SACS: variants seen among roughly 807,000 people sequenced by gnomAD.
The protein encoded by SACS is sacsin.
In SACS, 197 loss-of-function variants were observed where a neutral mutation model predicts 348.0. The observed-to-expected ratio is 0.57, with a 90% CI of 0.50 to 0.64. The LOEUF is 0.64. Among genes scored for constraint, SACS ranks in the 30% least tolerant of loss-of-function variants. The pLI is 0.00. For missense variants in SACS, 4,999 were observed against 5,360.8 expected, an observed-to-expected ratio of 0.93 and a Z score of 2.11; for synonymous variants, 1,985 against 1,910.6, an observed-to-expected ratio of 1.04 and a Z score of -1.02.
chr13:23,362,539 G>A (rs1870801072), intron 6 of SACS, among the ~76,000 whole-genome samples: 1 of 150,280 alleles, frequency 6.7e-6, no homozygotes, highest in East Asian at 2.0e-4. Context: ...GTTAAATAAA[G>A]AGATCAGAGA....
chr13:23,433,136 A>G (rs1874501759), intron 1 of SACS, among the ~76,000 whole-genome samples: 1 of 152,204 alleles, frequency 6.6e-6, no homozygotes, highest in African/African-American at 2.4e-5. Context: ...AAGTGAGAGC[A>G]ATTCTGCAAA....
rs75936739 is a variant in SACS at position 23,391,198 on chromosome 13, C to A, written c.21-15929G>T. ...ATATTTTTCTATACCTCTGTACATGCCTGAAATTTTTCATGATAAAATTCT... is the reference window on the plus strand; with the variant it reads ...ATATTTTTCTATACCTCTGTACATGACTGAAATTTTTCATGATAAAATTCT... On this transcript the variant is annotated intron_variant, in intron 2 of 9. Transcript: ENST00000382292. Among the ~76,000 whole-genome samples, 954 of 152,298 alleles carry A rather than the reference C, an allele frequency of 6.3e-3. 11 individuals carry two copies. The highest frequency in any genetic ancestry group is 0.022 in the African/African-American group (929 of 41,556).
intron 2 of SACS, among the ~76,000 whole-genome samples, chr13:23,410,884 T>C (rs1270980185): frequency 6.6e-6 from 1 of 152,226 alleles, no homozygotes; most frequent in African/African-American, 2.4e-5. Flanking sequence ...TTGTTTATTT[T>C]ATATTTTCCA....
At position 23,337,018 on chromosome 13, in the gene SACS, C is replaced by A. The variant is rs1868677264; in HGVS notation, c.6858G>T (p.Lys2286Asn). The A allele has an allele frequency of 1.2e-6, 2 of 1,613,852 alleles. No individual in the cohort carries two copies. Among genetic ancestry groups the A allele is most frequent in the African/African-American group, 2.7e-5 (2 of 74,920 alleles). Residue 2286 changes from lysine to asparagine, a missense_variant, in exon 10 of 10, where the codon AAG (lysine) becomes AAT (asparagine). By Grantham distance (94) the Lys-to-Asn change is moderately conservative. Transcript: ENST00000382292. Reference sequence around the variant, plus strand: ...TTATAACCAGATCAACTGTTGGCTTCTTGAGTAATCCCAAAAACTCTTTAA... The same window carrying A: ...TTATAACCAGATCAACTGTTGGCTTATTGAGTAATCCCAAAAACTCTTTAA... ...LAVKEFLGLLKKPTVDLVINQ... is the reference protein window; with the variant it reads ...LAVKEFLGLLNKPTVDLVINQ...
chr13:23,340,560 C>T lies in SACS; in HGVS notation c.3316G>A (p.Val1106Met). 1.2e-6 allele frequency: 2 copies of T among 1,612,916 alleles called. No homozygotes were observed. The highest frequency in any genetic ancestry group is 2.2e-5 in the South Asian group (2 of 90,818). ...TGTAAGGCTTCAATTTTTTTTGCCACTTGCACAACATCCTTTTCTTTGAGA... is the reference window on the plus strand; with the variant it reads ...TGTAAGGCTTCAATTTTTTTTGCCATTTGCACAACATCCTTTTCTTTGAGA... The part of the protein sequence containing the change: ...ASLKEKDVVQ[V>M]AKKIEALQVG... Residue 1106 changes from valine (V) to methionine (M), a missense_variant, in exon 10 of 10, where the codon GTG becomes ATG. Coordinates refer to ENST00000382292, the MANE Select transcript of SACS (RefSeq NM_014363.6).
intron 2 of SACS, among the ~76,000 whole-genome samples, chr13:23,376,390 A>G (rs1232524530): frequency 6.6e-6 from 1 of 152,048 alleles, no homozygotes; most frequent in East Asian, 1.9e-4. Context: ...CACATTGCAA[A>G]AAAAAAAAGT....
intron 2 of SACS, among the ~76,000 whole-genome samples, chr13:23,396,489 T>A (rs1209687977): frequency 6.6e-6 from 1 of 152,114 alleles, no homozygotes; most frequent in Non-Finnish European, 1.5e-5. Flanking sequence ...CAGCATTAAA[T>A]ATAAGCATTA....
At chr13:23,398,152 T>C (rs1872782580) in intron 2 of SACS, among the ~76,000 whole-genome samples, 1 of 151,504 alleles carries the variant, frequency 6.6e-6, no homozygotes, top group Non-Finnish European at 1.5e-5. Context: ...GATCACGCCA[T>C]TGCACTCCAG....
chr13:23,402,635 G>A (rs1024379863), intron 2 of SACS, among the ~76,000 whole-genome samples: 2 of 152,318 alleles, frequency 1.3e-5, no homozygotes, highest in South Asian at 4.1e-4. Context: ...AATCAGATAT[G>A]AGCAGACAGT....
intron 1 of SACS, among the ~76,000 whole-genome samples, chr13:23,419,475 G>T (rs1873832928): frequency 1.3e-5 from 2 of 152,130 alleles, no homozygotes; most frequent in Non-Finnish European, 2.9e-5. Context: ...GCTTGATGGG[G>T]CCTGCCATTT....
chr13:23,332,715 C>T lies in SACS; in HGVS notation c.11161G>A (p.Gly3721Ser), dbSNP rs780789569. The T allele has an allele frequency of 2.1e-5, 34 of 1,613,802 alleles. No homozygotes were observed. Among genetic ancestry groups the T allele is most frequent in the Non-Finnish European group, 1.0e-5 (12 of 1,179,940 alleles). The change falls in exon 10 of 10, where the codon GGT (glycine) becomes AGT (serine). Residue 3721 changes from glycine to serine, a missense_variant. By Grantham distance (56) the Gly-to-Ser change is moderately conservative. Coordinates refer to ENST00000382292, the MANE Select transcript of SACS (RefSeq NM_014363.6). ...ATPLSIKEQEGSDLGPQEQLE... is the reference protein window; with the variant it reads ...ATPLSIKEQESSDLGPQEQLE... ...TGTTCTTGTGGACCAAGGTCACTAC[C>T]TTCTTGTTCTTTAATGCTTAAGGGT...
rs201798841 is a variant in SACS, at chr13:23,336,588, C to T, written c.7288G>A (p.Glu2430Lys). The T allele has an allele frequency of 2.2e-4, 354 of 1,613,564 alleles. No individual in the cohort carries two copies. Among genetic ancestry groups the T allele is most frequent in the Non-Finnish European group, 2.8e-4 (335 of 1,179,758 alleles). The change falls in exon 10 of 10, where the codon GAA (glutamate) becomes AAA (lysine). Residue 2430 changes from glutamate (E) to lysine (K), a missense_variant. Physicochemically the swap from Glu to Lys is moderately conservative, Grantham distance 56 (BLOSUM62 1). Around this residue, in one of 6 missense-constraint regions of SACS, gnomAD observed 3,156 missense variants for 3,380.1 expected, o/e 0.93. Coordinates refer to ENST00000382292, the MANE Select transcript of SACS (RefSeq NM_014363.6). ...TCTCTAATGAGACTCCATATTCCTT[C>T]ACTGATTATTCGTCGGCAAAGCTGA... is the stretch of plus-strand genomic sequence containing the variant. Reference protein sequence around the residue: ...NFQLCRRIISEGIWSLIREKK... With the variant: ...NFQLCRRIISKGIWSLIREKK...
intron 4 of SACS, among the ~76,000 whole-genome samples, chr13:23,368,901 A>T (rs7983302): frequency 3.3e-5 from 5 of 151,934 alleles, no homozygotes. Context: ...GGGTTTCACC[A>T]TGTTAGCCAG....
chr13:23,341,810 G>A (rs540970690), intron 9 of SACS, 120 bp from the exon 10 acceptor site: 327 of 772,418 alleles, frequency 4.2e-4, no homozygotes, highest in African/African-American at 2.7e-3. Context: ...TTTTTTTGAC[G>A]GAGTCTTGCT....
intron 2 of SACS, among the ~76,000 whole-genome samples, chr13:23,382,726 C>T (rs895506610): frequency 4.6e-5 from 7 of 151,150 alleles, no homozygotes; most frequent in Non-Finnish European, 1.0e-4. Context: ...ATTTGAAAAC[C>T]ATTTAGGGCA....
chr13:23,375,143 C>A lies in SACS; in HGVS notation c.147G>T (p.Gln49His). 6.7e-7 allele frequency: 1 copy of A among 1,503,378 alleles called. No individual in the cohort carries two copies. The highest frequency in any genetic ancestry group is 8.9e-7 in the Non-Finnish European group (1 of 1,126,604). The allele number at this position is 1,503,378 out of a possible 1,614,324, so 93.1% of individuals were successfully genotyped here. A position where few individuals can be genotyped will look rare whatever the true frequency, so the allele number is the denominator to read the frequency against. ...CCTCGCGGCCGCCGCGCCACAGCCG[C>A]TGCTCCGACACCGGGAAGCCAGTCT... is the stretch of plus-strand genomic sequence containing the variant. ...FAETGFPVSE[Q>H]RLWRGGRELS... Residue 49 changes from glutamine to histidine, a missense_variant, in exon 3 of 10, where the codon CAG becomes CAT. Physicochemically the swap from Gln to His is conservative, Grantham distance 24. Coordinates refer to ENST00000382292, the MANE Select transcript of SACS (RefSeq NM_014363.6).
At chr13:23,375,419 C>G in intron 2 of SACS, 150 bp from the exon 3 acceptor site, 1 of 1,207,594 alleles carries the variant, frequency 8.3e-7, no homozygotes, top group African/African-American at 1.6e-5. Context: ...CGATCACGGC[C>G]GGCCCTACCG....
chr13:23,389,206 A>G (rs1261603200), intron 2 of SACS, among the ~76,000 whole-genome samples: 2 of 152,050 alleles, frequency 1.3e-5, no homozygotes. Flanking sequence ...GTGTGTATAT[A>G]GCCTGTGTAT....
At chr13:23,416,174 T>G (rs1001641452) in intron 1 of SACS, among the ~76,000 whole-genome samples, 4 of 151,630 alleles carry the variant, frequency 2.6e-5, no homozygotes, top group African/African-American at 9.7e-5. Context: ...CCCAGCTACT[T>G]GGGAGGCTGA....
Sources: gnomAD v4.1 joint callset for allele counts (sites outside exome capture counted in the v4.1 genomes callset) on GRCh38, gnomAD v4.1.1 for gene constraint, gnomAD v4.1.1 regional missense constraint, MANE v1.5 for transcripts, NCBI Gene and HGNC (gene_info 2026-07-23, HGNC 2026-07-21) for gene names.